The following ANXA4 variants were observed in gnomAD, a reference collection of about 807,000 sequenced individuals.
ANXA4 encodes the protein annexin A4.
ANXA4 carries 39 observed loss-of-function variants against 49.8 expected under a neutral mutation model. That is an observed-to-expected ratio of 0.78 (90% confidence interval 0.61 to 1.02). The LOEUF is 1.02. Among genes scored for constraint, ANXA4 ranks in the 50% least tolerant of loss-of-function variants. The probability of loss-of-function intolerance (pLI) is 0.00; values close to 1 mark genes in which losing one functional copy is unlikely to be tolerated. For missense variants in ANXA4, 360 were observed against 410.1 expected (o/e 0.88, Z 1.05); for synonymous variants, 134 against 152.5 (o/e 0.88, Z 0.89).
chr2:69,757,255 TA>T (rs1671078519), intron 1 of ANXA4, among the ~76,000 whole-genome samples: 1 of 48,414 alleles, frequency 2.1e-5, no homozygotes, highest in Non-Finnish European at 3.4e-5. Flanking sequence ...TATATATATA[TA>T]TATATATATA....
chr2:69,798,260 T>C (rs1673029679), intron 3 of ANXA4, among the ~76,000 whole-genome samples: 1 of 152,228 alleles, frequency 6.6e-6, no homozygotes, highest in Non-Finnish European at 1.5e-5. Context: ...CAGCAATCCC[T>C]TAACCTGCAT....
At chr2:69,680,427 A>G (rs115745220) in intron 2 of ANXA4, among the ~76,000 whole-genome samples, 2,254 of 152,304 alleles carry the variant, frequency 0.015, 63 homozygotes, top group African/African-American at 0.051. Flanking sequence ...TTTTCTAGAT[A>G]TAAGATCATG....
chr2:69,716,206 T>C (rs1678877338), intron 2 of ANXA4, among the ~76,000 whole-genome samples: 1 of 152,232 alleles, frequency 6.6e-6, no homozygotes. Context: ...TTTGGGTGTC[T>C]GGATCTAGCC....
At chr2:69,800,851 A>C (rs374473623) in intron 3 of ANXA4, among the ~76,000 whole-genome samples, 3 of 152,338 alleles carry the variant, frequency 2.0e-5, no homozygotes, top group Admixed American at 6.5e-5. Flanking sequence ...TAGACACACA[A>C]AGAGTGAGGT....
chr2:69,668,242 A>T (rs921766361), intron 2 of ANXA4, among the ~76,000 whole-genome samples: 8 of 152,112 alleles, frequency 5.3e-5, no homozygotes, highest in African/African-American at 1.9e-4. Context: ...TCCAAGTGAA[A>T]TTTTTTTCTA....
chr2:69,686,973 C>A (rs1677812230), intron 2 of ANXA4, among the ~76,000 whole-genome samples: 1 of 152,200 alleles, frequency 6.6e-6, no homozygotes, highest in Admixed American at 6.5e-5. Flanking sequence ...TAAAGTCACA[C>A]TTTCCTGAGA....
chr2:69,751,887 ATGT>A (rs1037886060), intron 1 of ANXA4, among the ~76,000 whole-genome samples: 11 of 152,204 alleles, frequency 7.2e-5, no homozygotes, highest in Admixed American at 6.5e-4. Flanking sequence ...TTTATTATAT[ATGT>A]AAGTGGCGGG....
intron 2 of ANXA4, among the ~76,000 whole-genome samples, chr2:69,693,204 A>G (rs1408828108): frequency 6.6e-6 from 1 of 152,126 alleles, no homozygotes; most frequent in African/African-American, 2.4e-5. Context: ...GCTGCCTGCA[A>G]TGCAGTTCGG....
At chr2:69,724,222 G>C (rs1264599681) in intron 3 of ANXA4, among the ~76,000 whole-genome samples, 1 of 152,228 alleles carries the variant, frequency 6.6e-6, no homozygotes, top group Non-Finnish European at 1.5e-5. Flanking sequence ...TACCCATCTT[G>C]TGCCCCATCT....
chr2:69,682,665 A>G (rs1299034194), intron 2 of ANXA4, among the ~76,000 whole-genome samples: 1 of 152,126 alleles, frequency 6.6e-6, no homozygotes, highest in Non-Finnish European at 1.5e-5. Context: ...TATGAAATAA[A>G]CAAAATAAAA....
At chr2:69,711,207 G>A (rs1678668740) in intron 2 of ANXA4, among the ~76,000 whole-genome samples, 1 of 152,210 alleles carries the variant, frequency 6.6e-6, no homozygotes, top group African/African-American at 2.4e-5. Context: ...ACACACACCT[G>A]TAATTCCAGC....
chr2:69,719,585 G>A (rs186205205), intron 2 of ANXA4, among the ~76,000 whole-genome samples: 16 of 151,098 alleles, frequency 1.1e-4, no homozygotes, highest in East Asian at 5.9e-4. Context: ...GATTACAGGC[G>A]CCCACCAACA....
chr2:69,754,215 C>G (rs1430435637), intron 1 of ANXA4, among the ~76,000 whole-genome samples: 2 of 152,154 alleles, frequency 1.3e-5, no homozygotes, highest in Admixed American at 6.5e-5. Context: ...ATAACTTCCC[C>G]CATTAACATA....
intron 3 of ANXA4, among the ~76,000 whole-genome samples, chr2:69,736,050 T>C (rs1463453387): frequency 6.6e-6 from 1 of 152,200 alleles, no homozygotes; most frequent in Non-Finnish European, 1.5e-5. Flanking sequence ...CAAAGGCACA[T>C]GTTCTGAGCA....
chr2:69,723,966 G>A (rs1490566076), intron 3 of ANXA4, among the ~76,000 whole-genome samples: 1 of 152,206 alleles, frequency 6.6e-6, no homozygotes, highest in African/African-American at 2.4e-5. Flanking sequence ...CTGAACTGTT[G>A]AAATGGGGCC....
intron 2 of ANXA4, among the ~76,000 whole-genome samples, chr2:69,661,104 G>A (rs1250631128): frequency 6.6e-6 from 1 of 151,488 alleles, no homozygotes; most frequent in East Asian, 1.9e-4. Context: ...AACAATACAG[G>A]CCAGAAACAA....
chr2:69,798,244 G>GA (rs1236279413), intron 3 of ANXA4, among the ~76,000 whole-genome samples: 2 of 152,180 alleles, frequency 1.3e-5, no homozygotes, highest in African/African-American at 2.4e-5. Context: ...TAAAAAGTCA[G>GA]AAAAACAGCA....
At chr2:69,679,160 A>G (rs551401137) in intron 2 of ANXA4, among the ~76,000 whole-genome samples, 5 of 152,256 alleles carry the variant, frequency 3.3e-5, no homozygotes, top group African/African-American at 1.2e-4. Flanking sequence ...GTTTTGAGAC[A>G]AAGTCTCACT....
intron 2 of ANXA4, among the ~76,000 whole-genome samples, chr2:69,671,906 A>G (rs900325744): frequency 2.6e-5 from 4 of 152,198 alleles, no homozygotes; most frequent in Non-Finnish European, 5.9e-5. Context: ...ATTCACTGCA[A>G]CTGAGAGTAT....
Sources: allele counts gnomAD v4.1 joint callset (sites outside exome capture counted in the v4.1 genomes callset), GRCh38; gene constraint gnomAD v4.1.1; transcripts MANE v1.5; gene names NCBI Gene and HGNC (gene_info 2026-07-23, HGNC 2026-07-21).